NPAS3: variants seen among roughly 807,000 people sequenced by gnomAD.
NPAS3 encodes the protein neuronal PAS domain protein 3.
NPAS3 carries 14 observed loss-of-function variants against 73.1 expected under a neutral mutation model. The ratio of observed to expected loss-of-function variants is 0.19; its 90% CI spans 0.13 to 0.30. The LOEUF is 0.30. Ranked by LOEUF, NPAS3 falls within the 10% of genes least tolerant of loss-of-function variation. The pLI is 1.00. For synonymous variants in NPAS3, 620 were observed against 541.5 expected (o/e 1.14, Z -2.01); for missense variants, 1,096 against 1,250.0 (o/e 0.88, Z 1.86).
intron 5 of NPAS3, among the ~76,000 whole-genome samples, chr14:33,605,917 T>C (rs1324838407): frequency 6.6e-6 from 1 of 151,874 alleles, no homozygotes; most frequent in African/African-American, 2.4e-5. Context: ...GCCAAAACAA[T>C]TTAGAAAAGG....
At chr14:33,605,523 T>A (rs927430449) in intron 5 of NPAS3, among the ~76,000 whole-genome samples, 4 of 151,612 alleles carry the variant, frequency 2.6e-5, no homozygotes, top group Non-Finnish European at 5.9e-5. Flanking sequence ...AACTAATAAA[T>A]GAATTTAGCA....
chr14:33,227,566 A>G (rs529362302), intron 3 of NPAS3, among the ~76,000 whole-genome samples: 75 of 152,288 alleles, frequency 4.9e-4, no homozygotes, highest in African/African-American at 1.7e-3. Context: ...CCTGGGTCAC[A>G]TAGCCATTTT....
intron 5 of NPAS3, 179 bp downstream of exon 5, chr14:33,560,389 G>C: frequency 2.2e-6 from 1 of 463,270 alleles, no homozygotes; most frequent in South Asian, 4.9e-5. Context: ...TGAACATTCA[G>C]AATAAACTTG....
intron 3 of NPAS3, among the ~76,000 whole-genome samples, chr14:33,339,024 A>C (rs1357902826): frequency 1.3e-5 from 2 of 152,184 alleles, no homozygotes; most frequent in Non-Finnish European, 2.9e-5. Context: ...ATTTTGTGCC[A>C]TATTATATTT....
intron 6 of NPAS3, among the ~76,000 whole-genome samples, chr14:33,705,163 G>T (rs1225528080): frequency 6.6e-6 from 1 of 152,236 alleles, no homozygotes; most frequent in Middle Eastern, 3.4e-3. Context: ...TTACTGAAAG[G>T]TACAACAATA....
At chr14:33,596,766 T>C (rs2057254785) in intron 5 of NPAS3, among the ~76,000 whole-genome samples, 2 of 152,234 alleles carry the variant, frequency 1.3e-5, no homozygotes, top group East Asian at 3.8e-4. Flanking sequence ...GTAACTGGAT[T>C]GTCATATATT....
At chr14:33,310,639 T>C (rs2042962360) in intron 3 of NPAS3, among the ~76,000 whole-genome samples, 1 of 152,166 alleles carries the variant, frequency 6.6e-6, no homozygotes, top group Non-Finnish European at 1.5e-5. Context: ...AGATAGTTCT[T>C]TCTGTCACAC....
intron 4 of NPAS3, among the ~76,000 whole-genome samples, chr14:33,524,099 T>C (rs2053683000): frequency 6.6e-6 from 1 of 152,146 alleles, no homozygotes; most frequent in South Asian, 2.1e-4. Context: ...CATATTTTGC[T>C]CCTTCTTATC....
At chr14:32,939,392 TGCCGCCGGGCCGCTGCTCCC>T in intron 1 of NPAS3, 26 bp downstream of exon 1, 1 of 629,160 alleles carries the variant, frequency 1.6e-6, no homozygotes, top group Non-Finnish European at 2.8e-6. Context: ...TTATTGAACC[TGCCGCCGGGCCGCTGCTCCC>T]GCCGCCGCCG....
intron 4 of NPAS3, among the ~76,000 whole-genome samples, chr14:33,389,001 C>T (rs1474920724): frequency 6.6e-6 from 1 of 152,154 alleles, no homozygotes; most frequent in Non-Finnish European, 1.5e-5. Context: ...TTGTGGCGTG[C>T]ACTACCTCTA....
chr14:33,361,941 T>G (rs530450834), intron 3 of NPAS3, among the ~76,000 whole-genome samples: 1 of 152,302 alleles, frequency 6.6e-6, no homozygotes, highest in South Asian at 2.1e-4. Context: ...ATCCTATATT[T>G]TAATACTAGA....
chr14:33,635,841 C>T (rs1177655823), intron 5 of NPAS3, among the ~76,000 whole-genome samples: 1 of 152,194 alleles, frequency 6.6e-6, no homozygotes. Context: ...TGTTCCCTTC[C>T]CATTTATGCA....
At chr14:33,054,678 T>A (rs1440121284) in intron 1 of NPAS3, among the ~76,000 whole-genome samples, 1 of 151,446 alleles carries the variant, frequency 6.6e-6, no homozygotes, top group Non-Finnish European at 1.5e-5. Flanking sequence ...AGTGGCAGGA[T>A]CTCAGCTCAT....
chr14:33,003,465 G>A (rs375863476), intron 1 of NPAS3, among the ~76,000 whole-genome samples: 1 of 152,146 alleles, frequency 6.6e-6, no homozygotes, highest in East Asian at 1.9e-4. Flanking sequence ...ACTGAGGTGC[G>A]ACATGGTGGA....
At chr14:33,145,523 G>A (rs555298325) in intron 2 of NPAS3, among the ~76,000 whole-genome samples, 10 of 151,932 alleles carry the variant, frequency 6.6e-5, no homozygotes, top group East Asian at 5.8e-4. Context: ...CCCTCCCGTC[G>A]TGATAGGTGT....
intron 4 of NPAS3, among the ~76,000 whole-genome samples, chr14:33,540,556 A>C (rs1017316597): frequency 2.6e-5 from 4 of 152,228 alleles, no homozygotes; most frequent in African/African-American, 7.2e-5. Context: ...GGCTACAACA[A>C]GACATACTTT....
In NPAS3 at chr14:33,793,882, G is replaced by T. The variant is rs867676534; in HGVS notation, c.1154-15G>T. The stretch of plus-strand genomic sequence containing the variant: ...AGTCTTAATACAATGCCTCTGTTTT[G>T]TTTTTTTTCGCCAGTGCTGAATAAG... On this transcript the variant is annotated splice_polypyrimidine_tract_variant and intron_variant, in intron 9 of 11. Coordinates refer to ENST00000356141, the Ensembl canonical transcript of NPAS3. 3.8e-6 allele frequency: 6 copies of T among 1,596,018 alleles called. No individual in the cohort carries two copies. Among genetic ancestry groups the T allele is most frequent in the East Asian group, 4.5e-5 (2 of 44,634 alleles).
chr14:33,757,841 AC>A (rs1434217493), intron 7 of NPAS3, among the ~76,000 whole-genome samples: 1 of 152,196 alleles, frequency 6.6e-6, no homozygotes, highest in Non-Finnish European at 1.5e-5. Flanking sequence ...CACTAGTCCT[AC>A]TGACATTCAT....
chr14:33,036,919 T>C (rs951723060), intron 1 of NPAS3, among the ~76,000 whole-genome samples: 1 of 152,208 alleles, frequency 6.6e-6, no homozygotes, highest in African/African-American at 2.4e-5. Flanking sequence ...GTATCATAAT[T>C]ATTGTTGCAG....
Sources: gnomAD v4.1 joint callset for allele counts (sites outside exome capture counted in the v4.1 genomes callset) on GRCh38, gnomAD v4.1.1 for gene constraint, MANE v1.5 for transcripts, NCBI Gene and HGNC (gene_info 2026-07-23, HGNC 2026-07-21) for gene names.